RGS3: variants seen among roughly 807,000 people sequenced by gnomAD.
RGS3 encodes regulator of G protein signaling 3.
Under a neutral mutation model 132.6 loss-of-function variants are expected in RGS3, and 80 were observed. The observed-to-expected ratio is 0.60, with a 90% CI of 0.50 to 0.73. The LOEUF (loss-of-function observed/expected upper bound fraction) is 0.73, where lower values mean the gene tolerates loss of function less well. Ranked by LOEUF, RGS3 falls within the 30% of genes least tolerant of loss-of-function variation. RGS3 has a pLI of 0.00. For synonymous variants in RGS3, 598 were observed against 620.6 expected (o/e 0.96, Z 0.54); for missense variants, 1,382 against 1,530.8 (o/e 0.90, Z 1.62).
chr9:113,531,566 G>A (rs577519853), intron 18 of RGS3, among the ~76,000 whole-genome samples: 1 of 152,106 alleles, frequency 6.6e-6, no homozygotes, highest in Non-Finnish European at 1.5e-5. Context: ...CAAGGGGAAG[G>A]GCTCTTCATA....
rs762359541 is a variant in RGS3 at position 113,463,279 on chromosome 9, G to A, written c.415+1078G>A. Among the ~76,000 whole-genome samples the A allele has an allele frequency of 2.0e-5, 3 of 152,236 alleles. No homozygotes were observed. The highest frequency in any genetic ancestry group is 1.9e-4 in the East Asian group (1 of 5,192). On this transcript the variant is annotated intron_variant, in intron 3 of 24. Transcript: ENST00000350696. The surrounding 1 kb of genome is among the most constrained non-coding windows in gnomAD (Gnocchi z 4.6). ...ATGGTGGGGGGCGACCTGTCCAAGC[G>A]CAGAGAACACTTTTCCAAACCTCAC...
intron 3 of RGS3, among the ~76,000 whole-genome samples, chr9:113,470,557 A>G (rs556439532): frequency 3.3e-5 from 5 of 152,238 alleles, no homozygotes; most frequent in African/African-American, 4.8e-5. Context: ...TGATATTAAC[A>G]TAGCTAACCA....
intron 14 of RGS3, among the ~76,000 whole-genome samples, chr9:113,508,979 G>A (rs1413086372): frequency 1.3e-5 from 2 of 152,136 alleles, no homozygotes; most frequent in Admixed American, 1.3e-4. Flanking sequence ...CTAGCTATAT[G>A]ACTTTGAGCA....
chr9:113,525,779 T>C (rs974511063), intron 17 of RGS3, among the ~76,000 whole-genome samples: 1 of 152,204 alleles, frequency 6.6e-6, no homozygotes, highest in African/African-American at 2.4e-5. Context: ...TGGCCAAGCA[T>C]ACTCCCAGGG....
At chr9:113,450,235 A>T (rs1829209839) in intron 1 of RGS3, among the ~76,000 whole-genome samples, 1 of 150,466 alleles carries the variant, frequency 6.6e-6, no homozygotes, top group Non-Finnish European at 1.5e-5. Context: ...TGCCAGCTAA[A>T]TTTTTTTTTG....
intron 3 of RGS3, among the ~76,000 whole-genome samples, chr9:113,467,656 A>G (rs1334926274): frequency 6.6e-6 from 1 of 151,900 alleles, no homozygotes; most frequent in South Asian, 2.1e-4. Flanking sequence ...ATTTGCAAAT[A>G]TTTTCTCTCT....
chr9:113,497,487 T>C, intron 9 of RGS3, 83 bp downstream of exon 7: 1 of 1,155,372 alleles, frequency 8.7e-7, no homozygotes. Flanking sequence ...GTACTGGTAT[T>C]TGGTGGCCCC....
At position 113,514,748 on chromosome 9, in the gene RGS3, G is replaced by A. The variant is rs558896140; in HGVS notation, c.1674+94G>A. The stretch of plus-strand genomic sequence containing the variant: ...GACTCAGGGATGATGACTTATCCCA[G>A]GACTGAGGGCCCTGTTTTGGGAAAG... On this transcript the variant is annotated intron_variant, in intron 15 of 24. Transcript: ENST00000350696. 6 of 1,235,328 alleles carry A rather than the reference G, an allele frequency of 4.9e-6. No individual in the cohort carries two copies. The African/African-American group carries it at 9.1e-5, about 19-fold the overall frequency. The allele number at this position is 1,235,328 out of a possible 1,614,324, so 76.5% of individuals were successfully genotyped here. A position where few individuals can be genotyped will look rare whatever the true frequency, so the allele number is the denominator to read the frequency against.
intron 19 of RGS3, among the ~76,000 whole-genome samples, chr9:113,539,888 A>G (rs1832832041): frequency 6.6e-6 from 1 of 152,210 alleles, no homozygotes; most frequent in African/African-American, 2.4e-5. Context: ...AACAGTTGGG[A>G]GGTCACTCCC....
At chr9:113,490,645 A>G (rs1830474503) in intron 7 of RGS3, among the ~76,000 whole-genome samples, 1 of 146,046 alleles carries the variant, frequency 6.8e-6, no homozygotes, top group South Asian at 2.1e-4. Context: ...ATTATGTTCA[A>G]TATATAATAT....
intron 10 of RGS3, among the ~76,000 whole-genome samples, chr9:113,502,446 C>T (rs1227296700): frequency 6.6e-6 from 1 of 152,184 alleles, no homozygotes; most frequent in African/African-American, 2.4e-5. Flanking sequence ...AGGGAGATGC[C>T]CAGAGGGGTC....
chr9:113,510,068 G>GTCTTTTATC (rs1196598277), intron 14 of RGS3, among the ~76,000 whole-genome samples: 2 of 152,118 alleles, frequency 1.3e-5, no homozygotes, highest in African/African-American at 2.4e-5. Flanking sequence ...CCCATTCGTA[G>GTCTTTTATC]TCTTTTATCT....
At chr9:113,484,663 A>G (rs1830274060) in intron 6 of RGS3, among the ~76,000 whole-genome samples, 1 of 152,184 alleles carries the variant, frequency 6.6e-6, no homozygotes, top group African/African-American at 2.4e-5. Flanking sequence ...CTTATTTGTA[A>G]AATGGGGCTA....
chr9:113,501,821 A>G (rs1237003009), intron 10 of RGS3, among the ~76,000 whole-genome samples: 1 of 152,232 alleles, frequency 6.6e-6, no homozygotes, highest in African/African-American at 2.4e-5. Flanking sequence ...CCAGCTCTGT[A>G]TGGAGTCCTA....
chr9:113,532,306 ACAGATTTAGG>A (rs1171998125), intron 18 of RGS3, among the ~76,000 whole-genome samples: 3 of 152,034 alleles, frequency 2.0e-5, no homozygotes, highest in Non-Finnish European at 4.4e-5. Flanking sequence ...CCCAATTTAG[ACAGATTTAGG>A]CAGATGGGAA....
chr9:113,531,066 AG>A (rs1460634428), intron 18 of RGS3, among the ~76,000 whole-genome samples: 2 of 152,232 alleles, frequency 1.3e-5, no homozygotes, highest in Admixed American at 1.3e-4. Context: ...GTATTGAGAA[AG>A]GCCCAATTGC....
In RGS3 at chr9:113,517,534, T is replaced by G; in HGVS notation, c.1675-7T>G. 6.2e-7 allele frequency: 1 copy of G among 1,612,618 alleles called. No homozygotes were observed. Among genetic ancestry groups the G allele is most frequent in the South Asian group, 1.1e-5 (1 of 90,996 alleles). On this transcript the variant is annotated splice_region_variant and splice_polypyrimidine_tract_variant and intron_variant, in intron 15 of 24. Coordinates refer to ENST00000350696, the Ensembl canonical transcript of RGS3. The stretch of plus-strand genomic sequence containing the variant: ...TGAACTGCCCACTCAGCCTGCTTTA[T>G]TTCCAGCCTCTAGATCTCTGTAATC...
At chr9:113,447,329 G>GTATATATGTGTATATATA (rs1305095004) in intron 1 of RGS3, among the ~76,000 whole-genome samples, 1 of 27,536 alleles carries the variant, frequency 3.6e-5, no homozygotes, top group African/African-American at 9.8e-5. Context: ...GTATGTATAT[G>GTATATATGTGTATATATA]TATATATATA....
chr9:113,565,772 C>T lies in RGS3; in HGVS notation c.2038-17678C>T, dbSNP rs906659778. The stretch of plus-strand genomic sequence containing the variant: ...CAGGACTGTGTGTGTGGTGGGCGGG[C>T]ATCCAAGCCACCCTGTGCCCCTGTT... On this transcript the variant is annotated intron_variant, in intron 19 of 24. Transcript: ENST00000350696. This position sits in a 1 kb window ranked among gnomAD's most constrained non-coding sequence, Gnocchi z 5.7. 4 of 201,070 alleles carry T rather than the reference C, an allele frequency of 2.0e-5. No homozygotes were observed. The highest frequency in any genetic ancestry group is 9.4e-5 in the African/African-American group (4 of 42,654). The allele number at this position is 201,070 out of a possible 1,614,324, so 12.5% of individuals were successfully genotyped here.
Sources: allele counts gnomAD v4.1 joint callset (sites outside exome capture counted in the v4.1 genomes callset), GRCh38; gene constraint gnomAD v4.1.1; non-coding constraint Gnocchi (gnomAD v3.1); transcripts MANE v1.5; gene names NCBI Gene and HGNC (gene_info 2026-07-23, HGNC 2026-07-21).